LIMCH1: variants seen among roughly 807,000 people sequenced by gnomAD.
The protein encoded by LIMCH1 is LIM and calponin homology domains-containing protein 1.
In LIMCH1, 113 loss-of-function variants were observed where a neutral mutation model predicts 176.5. The ratio of observed to expected loss-of-function variants is 0.64; its 90% CI spans 0.55 to 0.75. LIMCH1 has a LOEUF of 0.75. LIMCH1 is among the 30% of genes least tolerant of loss of function. The pLI is 0.00. For missense variants in LIMCH1, 1,674 were observed against 1,814.9 expected (o/e 0.92, Z 1.41); for synonymous variants, 619 against 645.9 (o/e 0.96, Z 0.63).
chr4:41,416,324 A>G (rs1399822111), intron 1 of LIMCH1, among the ~76,000 whole-genome samples: 1 of 152,178 alleles, frequency 6.6e-6, no homozygotes, highest in African/African-American at 2.4e-5. Context: ...CCCAAGCTAT[A>G]ATATTTACCC....
chr4:41,380,653 T>C (rs1458313658), intron 1 of LIMCH1, among the ~76,000 whole-genome samples: 3 of 152,180 alleles, frequency 2.0e-5, no homozygotes, highest in African/African-American at 4.8e-5. Flanking sequence ...TTCCCCCAAG[T>C]GATTGCAATG....
intron 1 of LIMCH1, among the ~76,000 whole-genome samples, chr4:41,439,678 G>T (rs2062490796): frequency 6.6e-6 from 1 of 152,126 alleles, no homozygotes; most frequent in African/African-American, 2.4e-5. Flanking sequence ...GCTGAGGTGG[G>T]CAGATCACGA....
At chr4:41,419,701 T>TTCCGTCCTTCCTTCC (rs1561312905) in intron 1 of LIMCH1, among the ~76,000 whole-genome samples, 4 of 97,378 alleles carry the variant, frequency 4.1e-5, no homozygotes, top group African/African-American at 8.2e-5. Context: ...CCTTCCTTCC[T>TTCCGTCCTTCCTTCC]TCCTTCCTTC....
intron 1 of LIMCH1, among the ~76,000 whole-genome samples, chr4:41,559,397 T>C (rs555535689): frequency 2.6e-5 from 4 of 152,162 alleles, no homozygotes; most frequent in South Asian, 2.1e-4. Context: ...AGCCCCACTA[T>C]TATAGTCCAT....
rs1376910096 is a variant in LIMCH1 at position 41,620,482 on chromosome 4, C to A, written c.517C>A (p.Pro173Thr). The A allele has an allele frequency of 7.2e-6, 11 of 1,536,204 alleles. No individual in the cohort carries two copies. Among genetic ancestry groups the A allele is most frequent in the Non-Finnish European group, 9.6e-6 (11 of 1,146,940 alleles). ...AGTGGGGTCTGCTGGTGAAGACAAC[C>A]CAGCTGGCCAAATGAATCCTGGTTG... ...SEVGSAGEDNPAGQMNPGWKP... is the reference protein window; with the variant it reads ...SEVGSAGEDNTAGQMNPGWKP... The change falls in exon 7 of 32, where the codon CCA becomes ACA. Residue 173 changes from proline (P) to threonine (T), a missense_variant. Physicochemically the swap from Pro to Thr is conservative, Grantham distance 38. This residue lies in a region of LIMCH1 where 655 missense variants were observed against 692.2 expected (regional missense o/e 0.95). Coordinates refer to ENST00000503057, the MANE Select transcript of LIMCH1 (RefSeq NM_001330672.2).
chr4:41,401,477 C>T (rs1359024194), intron 1 of LIMCH1, among the ~76,000 whole-genome samples: 1 of 152,114 alleles, frequency 6.6e-6, no homozygotes, highest in Non-Finnish European at 1.5e-5. Flanking sequence ...ATGCCTCCAG[C>T]TTTGTTCTTT....
chr4:41,693,621 G>A (rs895089141), intron 31 of LIMCH1, among the ~76,000 whole-genome samples: 1 of 150,890 alleles, frequency 6.6e-6, no homozygotes, highest in Non-Finnish European at 1.5e-5. Context: ...AACATATATA[G>A]TACATGTATA....
Position 41,557,546 on chromosome 4 carries a change from CTGTG to C in LIMCH1, c.-241+19222_-241+19225del, listed in dbSNP as rs34757433. Among the ~76,000 whole-genome samples the C allele has an allele frequency of 1.1e-3, 157 of 147,832 alleles. 2 individuals carry two copies. Among genetic ancestry groups the C allele is most frequent in the South Asian group, 8.0e-3 (37 of 4,654 alleles). Reference sequence around the variant, plus strand: ...TGTGTTTTAAAAATCTTTATTGCCTCTGTGTGTGTGTGTGTGTGTGTGTGTGTGT... The same window carrying C: ...TGTGTTTTAAAAATCTTTATTGCCTCTGTGTGTGTGTGTGTGTGTGTGTGT... On this transcript the variant is annotated intron_variant, in intron 1 of 31. Transcript: ENST00000503057.
At chr4:41,492,251 A>G (rs1185648735) in intron 1 of LIMCH1, among the ~76,000 whole-genome samples, 2 of 151,932 alleles carry the variant, frequency 1.3e-5, no homozygotes, top group East Asian at 1.9e-4. Context: ...AAATACAAAA[A>G]CCAGTCAGGA....
At chr4:41,599,902 C>G (rs2089617663) in intron 2 of LIMCH1, among the ~76,000 whole-genome samples, 1 of 151,918 alleles carries the variant, frequency 6.6e-6, no homozygotes, top group Admixed American at 6.6e-5. Flanking sequence ...ATACTATTTG[C>G]TTGATTTTTA....
chr4:41,418,835 G>C (rs2060178219), intron 1 of LIMCH1: 1 of 152,216 alleles, frequency 6.6e-6, no homozygotes, highest in Non-Finnish European at 1.5e-5. Context: ...CTGTGTTGGG[G>C]AGGAAACAGT....
chr4:41,479,017 A>G (rs755128122), intron 1 of LIMCH1, among the ~76,000 whole-genome samples: 3 of 152,158 alleles, frequency 2.0e-5, no homozygotes, highest in Non-Finnish European at 4.4e-5. Flanking sequence ...AAGAAAGAAA[A>G]AGAAAGGGAA....
chr4:41,514,377 T>C (rs1478580954), intron 2 of LIMCH1, among the ~76,000 whole-genome samples: 1 of 151,942 alleles, frequency 6.6e-6, no homozygotes, highest in Non-Finnish European at 1.5e-5. Context: ...TTAAACTGGG[T>C]TTTGAAGGAT....
At chr4:41,453,316 A>G (rs1366591475) in intron 1 of LIMCH1, among the ~76,000 whole-genome samples, 6 of 152,240 alleles carry the variant, frequency 3.9e-5, no homozygotes. Flanking sequence ...AAATCTGTGT[A>G]TAACTGTTGA....
chr4:41,551,520 G>C (rs1005495559), intron 1 of LIMCH1: 1 of 152,138 alleles, frequency 6.6e-6, no homozygotes, highest in African/African-American at 2.4e-5. Flanking sequence ...GCACTCCAAG[G>C]ATACAAATAC....
intron 2 of LIMCH1, among the ~76,000 whole-genome samples, chr4:41,495,869 A>T (rs2072030858): frequency 6.6e-6 from 1 of 152,094 alleles, no homozygotes; most frequent in African/African-American, 2.4e-5. Context: ...TCAAAGAAAA[A>T]TGTGTATCTT....
At chr4:41,368,368 A>C (rs193150541) in intron 1 of LIMCH1, among the ~76,000 whole-genome samples, 1 of 152,348 alleles carries the variant, frequency 6.6e-6, no homozygotes, top group Non-Finnish European at 1.5e-5. Context: ...TGAACAAAAT[A>C]AACATACTTC....
chr4:41,687,715 G>T, intron 28 of LIMCH1, 125 bp from the exon 29 acceptor site: 2 of 572,746 alleles, frequency 3.5e-6, no homozygotes, highest in South Asian at 2.7e-5. Flanking sequence ...AAATGCTGTG[G>T]TCTTTGATTT....
intron 1 of LIMCH1, among the ~76,000 whole-genome samples, chr4:41,554,432 T>G (rs528704503): frequency 1.3e-5 from 2 of 152,278 alleles, no homozygotes; most frequent in South Asian, 4.1e-4. Context: ...CTATGAGATG[T>G]TGTTTCTGGA....
Sources: allele counts gnomAD v4.1 joint callset (sites outside exome capture counted in the v4.1 genomes callset), GRCh38; gene constraint gnomAD v4.1.1; regional missense constraint gnomAD v4.1.1; transcripts MANE v1.5; gene names NCBI Gene and HGNC (gene_info 2026-07-23, HGNC 2026-07-21).